PAPPA2: variants seen among roughly 807,000 people sequenced by gnomAD.
PAPPA2 encodes pappalysin 2.
A neutral mutation model predicts 176.4 loss-of-function variants in PAPPA2; 86 were observed. The ratio of observed to expected loss-of-function variants is 0.49; its 90% CI spans 0.41 to 0.58. PAPPA2 has a LOEUF of 0.58. PAPPA2 is among the 20% of genes least tolerant of loss of function. The pLI is 0.00. For synonymous variants in PAPPA2, 809 were observed against 852.2 expected, an observed-to-expected ratio of 0.95 and a Z score of 0.88; for missense variants, 2,073 against 2,256.9, an observed-to-expected ratio of 0.92 and a Z score of 1.65.
At chr1:176,611,674 A>C (rs552305164) in intron 3 of PAPPA2, among the ~76,000 whole-genome samples, 4 of 152,222 alleles carry the variant, frequency 2.6e-5, no homozygotes, top group African/African-American at 9.6e-5. Context: ...TGCAGTAGTA[A>C]CCTCTCCTAT....
intron 1 of PAPPA2, among the ~76,000 whole-genome samples, chr1:176,480,012 C>T (rs1652316545): frequency 6.6e-6 from 1 of 152,346 alleles, no homozygotes; most frequent in Non-Finnish European, 1.5e-5. Context: ...TTCCCCCTCC[C>T]TCTGGCCACA....
At chr1:176,632,614 A>G (rs896182367) in intron 3 of PAPPA2, among the ~76,000 whole-genome samples, 3 of 152,208 alleles carry the variant, frequency 2.0e-5, no homozygotes, top group African/African-American at 7.2e-5. Flanking sequence ...CTCAAACCTT[A>G]TTTTAGCAAC....
chr1:176,744,656 G>A (rs1250508809), intron 14 of PAPPA2, among the ~76,000 whole-genome samples: 1 of 152,144 alleles, frequency 6.6e-6, no homozygotes, highest in Non-Finnish European at 1.5e-5. Flanking sequence ...ATGAAAAACA[G>A]GGCCCAGTTT....
At chr1:176,793,482 C>G in intron 19 of PAPPA2, 78 bp from the exon 20 acceptor site, 1 of 1,276,304 alleles carries the variant, frequency 7.8e-7, no homozygotes, top group African/African-American at 1.5e-5. Context: ...TTTAAAAACT[C>G]AAAGCTATTG....
chr1:176,521,570 G>A (rs541358994), intron 1 of PAPPA2, among the ~76,000 whole-genome samples: 1 of 152,274 alleles, frequency 6.6e-6, no homozygotes, highest in African/African-American at 2.4e-5. Flanking sequence ...AAACCACTCA[G>A]TTTTGAGGTA....
chr1:176,630,216 C>T (rs959931240), intron 3 of PAPPA2, among the ~76,000 whole-genome samples: 14 of 152,000 alleles, frequency 9.2e-5, no homozygotes, highest in African/African-American at 3.4e-4. Context: ...TTGGCTACAT[C>T]AGATAGGAAA....
At chr1:176,623,651 CTTTCT>C (rs1655765626) in intron 3 of PAPPA2, among the ~76,000 whole-genome samples, 1 of 130,266 alleles carries the variant, frequency 7.7e-6, no homozygotes, top group Non-Finnish European at 1.6e-5. Context: ...TTCTTTCTTT[CTTTCT>C]TTCTTTCTTT....
At chr1:176,705,499 A>C (rs1051183562) in intron 9 of PAPPA2, among the ~76,000 whole-genome samples, 6 of 152,178 alleles carry the variant, frequency 3.9e-5, no homozygotes, top group Non-Finnish European at 5.9e-5. Context: ...GTTAAAATAT[A>C]TGTCCATTTT....
chr1:176,776,934 A>G (rs1174727655), intron 17 of PAPPA2, among the ~76,000 whole-genome samples: 1 of 151,630 alleles, frequency 6.6e-6, no homozygotes, highest in Admixed American at 6.6e-5. Flanking sequence ...ACTGAGATTC[A>G]GTGTGTTTAA....
intron 3 of PAPPA2, among the ~76,000 whole-genome samples, chr1:176,609,477 T>C (rs1039943555): frequency 3.3e-5 from 5 of 152,152 alleles, no homozygotes; most frequent in African/African-American, 1.2e-4. Context: ...CAGAGAGTAC[T>C]TGCCATGGAA....
At chr1:176,794,049 C>CA (rs1310502849) in intron 20 of PAPPA2, among the ~76,000 whole-genome samples, 3 of 150,936 alleles carry the variant, frequency 2.0e-5, no homozygotes, top group Admixed American at 1.3e-4. Context: ...GACTCCATCT[C>CA]AAAAAAAAAT....
rs74352159 is a variant in PAPPA2 at position 176,761,117 on chromosome 1, G to A, written c.4152-4549G>A. ...ATTACAGATATGAGCCACCGCACCC[G>A]GCCAAAAACATGTTTTAAAACATTG... On this transcript the variant is annotated intron_variant, in intron 14 of 22. Coordinates refer to ENST00000367662, the MANE Select transcript of PAPPA2 (RefSeq NM_020318.3). Among the ~76,000 whole-genome samples, 457 of 152,152 alleles carry A rather than the reference G, an allele frequency of 3.0e-3. 5 individuals are homozygous for A. Among genetic ancestry groups the A allele is most frequent in the African/African-American group, 0.01 (426 of 41,498 alleles).
chr1:176,669,827 A>C (rs1361241872), intron 3 of PAPPA2, among the ~76,000 whole-genome samples: 1 of 152,174 alleles, frequency 6.6e-6, no homozygotes, highest in African/African-American at 2.4e-5. Flanking sequence ...AACAATCAGG[A>C]GGCAGAGCAA....
At chr1:176,470,006 C>T (rs563748775) in intron 1 of PAPPA2, among the ~76,000 whole-genome samples, 4 of 152,080 alleles carry the variant, frequency 2.6e-5, no homozygotes, top group Non-Finnish European at 4.4e-5. Flanking sequence ...TTTATGGGGT[C>T]GAGGAAGGGA....
intron 14 of PAPPA2, among the ~76,000 whole-genome samples, chr1:176,760,214 G>GT (rs927267322): frequency 3.9e-5 from 6 of 152,068 alleles, no homozygotes; most frequent in Admixed American, 6.5e-5. Flanking sequence ...TGATTTAATT[G>GT]TTTTTTTCTC....
At chr1:176,482,805 A>G (rs1272377133) in intron 1 of PAPPA2, among the ~76,000 whole-genome samples, 1 of 152,100 alleles carries the variant, frequency 6.6e-6, no homozygotes, top group African/African-American at 2.4e-5. Context: ...TATTGGACCA[A>G]CTTGGGTTAT....
At chr1:176,533,965 G>T (rs551365469) in intron 1 of PAPPA2, among the ~76,000 whole-genome samples, 3 of 152,156 alleles carry the variant, frequency 2.0e-5, no homozygotes, top group Non-Finnish European at 2.9e-5. Flanking sequence ...TCATATAAAA[G>T]AATGTAAACT....
intron 2 of PAPPA2, among the ~76,000 whole-genome samples, chr1:176,578,516 CT>C: frequency 6.6e-6 from 1 of 152,248 alleles, no homozygotes; most frequent in South Asian, 2.1e-4. Context: ...ACAACCCATC[CT>C]TTCTTGTTCC....
chr1:176,515,209 A>T (rs1648840274), intron 1 of PAPPA2, among the ~76,000 whole-genome samples: 1 of 152,336 alleles, frequency 6.6e-6, no homozygotes, highest in African/African-American at 2.4e-5. Context: ...TATCATCATT[A>T]TCACTGGTGG....
Sources: gnomAD v4.1 joint callset for allele counts (sites outside exome capture counted in the v4.1 genomes callset) on GRCh38, gnomAD v4.1.1 for gene constraint, MANE v1.5 for transcripts, NCBI Gene and HGNC (gene_info 2026-07-23, HGNC 2026-07-21) for gene names.